TBC1D30: variants seen among roughly 807,000 people sequenced by gnomAD.
TBC1D30 encodes TBC1 domain family, member 30.
A neutral mutation model predicts 63.2 loss-of-function variants in TBC1D30; 31 were observed. That is an observed-to-expected ratio of 0.49 (90% CI 0.37 to 0.66). The LOEUF (loss-of-function observed/expected upper bound fraction) is 0.66. Among genes scored for constraint, TBC1D30 ranks in the 30% least tolerant of loss-of-function variants. The probability of loss-of-function intolerance (pLI) is 0.00; values close to 1 mark genes in which losing one functional copy is unlikely to be tolerated. For synonymous variants in TBC1D30, 307 were observed against 361.5 expected, an observed-to-expected ratio of 0.85 and a Z score of 1.71; for missense variants, 810 against 953.6, an observed-to-expected ratio of 0.85 and a Z score of 1.98.
At chr12:64,775,179 G>A (rs1362199170) in intron 1 of TBC1D30, among the ~76,000 whole-genome samples, 1 of 151,746 alleles carries the variant, frequency 6.6e-6, no homozygotes, top group Admixed American at 6.6e-5. Flanking sequence ...AAAACACACT[G>A]TAGTACACAA....
Position 64,873,099 on chromosome 12 carries a change from A to T in TBC1D30, c.1499-1902A>T, listed in dbSNP as rs546112237. 2.0e-5 allele frequency among the ~76,000 whole-genome samples: 3 copies of T among 152,310 alleles called. No individual in the cohort carries two copies. The East Asian group carries it at 5.8e-4, about 29-fold the overall frequency. On this transcript the variant is annotated intron_variant, in intron 11 of 11. Transcript: ENST00000539867. ...ATTAGCAGCACAGGTGGAGAGATTGAACTTGAACTAGAGGCAAAAAGACCT... is the reference window on the plus strand; with the variant it reads ...ATTAGCAGCACAGGTGGAGAGATTGTACTTGAACTAGAGGCAAAAAGACCT...
chr12:64,819,870 C>T (rs1231847435), upstream of TBC1D30, among the ~76,000 whole-genome samples: 2 of 152,250 alleles, frequency 1.3e-5, no homozygotes, highest in Non-Finnish European at 2.9e-5. Flanking sequence ...CACCAGACCT[C>T]CATTCTTTTT....
chr12:64,852,289 A>G (rs1054143218), intron 8 of TBC1D30, among the ~76,000 whole-genome samples: 2 of 151,852 alleles, frequency 1.3e-5, no homozygotes, highest in East Asian at 3.9e-4. Flanking sequence ...CCGCTTGATC[A>G]GTTTGGCTAT....
At chr12:64,829,689 A>C (rs1177218580) in intron 3 of TBC1D30, among the ~76,000 whole-genome samples, 4 of 152,354 alleles carry the variant, frequency 2.6e-5, no homozygotes, top group Middle Eastern at 3.4e-3. Flanking sequence ...TCATGTTTAA[A>C]TACCAAAACT....
intron 1 of TBC1D30, among the ~76,000 whole-genome samples, chr12:64,767,475 C>T (rs1870753163): frequency 1.3e-5 from 2 of 152,056 alleles, no homozygotes; most frequent in Non-Finnish European, 2.9e-5. Context: ...AAATTTTAAG[C>T]AGCCACCGAT....
intron 8 of TBC1D30, among the ~76,000 whole-genome samples, chr12:64,854,498 C>CTTTCTTT (rs796208448): frequency 6.5e-5 from 9 of 138,824 alleles, no homozygotes; most frequent in African/African-American, 2.4e-4. Context: ...CTTTTTCTTT[C>CTTTCTTT]TTTTTTTTTT....
At chr12:64,764,346 T>G (rs527404866) in intron 1 of TBC1D30, among the ~76,000 whole-genome samples, 1 of 152,238 alleles carries the variant, frequency 6.6e-6, no homozygotes, top group African/African-American at 2.4e-5. Flanking sequence ...AATTCAGCTA[T>G]TAGTTGAAAA....
intron 8 of TBC1D30, among the ~76,000 whole-genome samples, chr12:64,851,761 T>C (rs1037468102): frequency 2.6e-5 from 4 of 152,240 alleles, no homozygotes; most frequent in Non-Finnish European, 5.9e-5. Flanking sequence ...TGGGATTTTA[T>C]TTCTCCTTTG....
chr12:64,790,432 T>C (rs2136301643), intron 2 of TBC1D30, among the ~76,000 whole-genome samples: 1 of 152,334 alleles, frequency 6.6e-6, no homozygotes, highest in Non-Finnish European at 1.5e-5. Context: ...TATTAATTAT[T>C]AGCATTGTAT....
intron 2 of TBC1D30, among the ~76,000 whole-genome samples, chr12:64,788,513 C>A (rs747402691): frequency 3.3e-5 from 5 of 152,022 alleles, no homozygotes; most frequent in Non-Finnish European, 7.4e-5. Context: ...TCAGGTTAGT[C>A]CAGGGTCACA....
chr12:64,870,925 A>G (rs1016331695), intron 11 of TBC1D30, 117 bp downstream of exon 11: 5 of 948,948 alleles, frequency 5.3e-6, no homozygotes, highest in Non-Finnish European at 7.9e-6. Flanking sequence ...CCATCAACAC[A>G]GCTGGCATGA....
intron 7 of TBC1D30, among the ~76,000 whole-genome samples, chr12:64,841,363 C>T (rs1875852537): frequency 6.6e-6 from 1 of 152,194 alleles, no homozygotes; most frequent in African/African-American, 2.4e-5. Flanking sequence ...GTCCTTTCTC[C>T]TCTGCCCCTG....
chr12:64,786,116 CTG>C (rs1228431834), intron 2 of TBC1D30: 1 of 1,179,044 alleles, frequency 8.5e-7, no homozygotes, highest in South Asian at 1.3e-5. Context: ...AGCCAACAGT[CTG>C]TGTTTGTGAA....
In TBC1D30 at chr12:64,876,915, G is replaced by A. The variant is rs1879129357; in HGVS notation, c.*1127G>A. On this transcript the variant is annotated 3_prime_UTR_variant, in exon 12 of 12. Coordinates refer to ENST00000539867, the MANE Select transcript of TBC1D30 (RefSeq NM_015279.2). ...GAACTCTGAGCCACACAGAGGTGAA[G>A]TAGCACTTCAGTTACTCAAGGTCAG... 1 of 456,074 alleles carries A rather than the reference G, an allele frequency of 2.2e-6. No homozygotes were observed. The highest frequency in any genetic ancestry group is 1.5e-5 in the South Asian group (1 of 64,538). 28.3% of individuals were successfully genotyped at this position (456,074 alleles called of 1,614,324 possible). A position where few individuals can be genotyped will look rare whatever the true frequency, so the allele number is the denominator to read the frequency against.
At chr12:64,815,042 C>T (rs1356973277) in intron 2 of TBC1D30, among the ~76,000 whole-genome samples, 1 of 152,168 alleles carries the variant, frequency 6.6e-6, no homozygotes, top group East Asian at 1.9e-4. Flanking sequence ...GAGACATGTA[C>T]GTTCCTTTTC....
At chr12:64,791,465 T>C (rs1391523391) in intron 2 of TBC1D30, among the ~76,000 whole-genome samples, 1 of 152,198 alleles carries the variant, frequency 6.6e-6, no homozygotes, top group African/African-American at 2.4e-5. Context: ...AAATTATTTT[T>C]TAAAGACAGT....
chr12:64,832,419 G>A (rs1464537483), intron 5 of TBC1D30, 115 bp downstream of exon 5: 3 of 1,042,714 alleles, frequency 2.9e-6, no homozygotes, highest in Non-Finnish European at 4.1e-6. Flanking sequence ...CCACACCTTT[G>A]TAATGACCTA....
chr12:64,762,853 AATT>A (rs1175844209), intron 1 of TBC1D30, among the ~76,000 whole-genome samples: 3 of 152,104 alleles, frequency 2.0e-5, no homozygotes, highest in African/African-American at 7.2e-5. Context: ...AATTCAGAAA[AATT>A]ATTTTTCACC....
upstream of TBC1D30, among the ~76,000 whole-genome samples, chr12:64,823,723 T>A (rs1874036718): frequency 6.6e-6 from 1 of 152,178 alleles, no homozygotes; most frequent in African/African-American, 2.4e-5. Context: ...CTCTTGGGGC[T>A]AAGCAATTTT....
Sources: gnomAD v4.1 joint callset for allele counts (sites outside exome capture counted in the v4.1 genomes callset) on GRCh38, gnomAD v4.1.1 for gene constraint, MANE v1.5 for transcripts, NCBI Gene and HGNC (gene_info 2026-07-23, HGNC 2026-07-21) for gene names.